The following ANO1 variants were observed in gnomAD, a reference collection of about 807,000 sequenced individuals.
The protein encoded by ANO1 is anoctamin-1.
A neutral mutation model predicts 124.0 loss-of-function variants in ANO1; 59 were observed. The observed-to-expected ratio is 0.48, with a 90% confidence interval of 0.39 to 0.59. The LOEUF (loss-of-function observed/expected upper bound fraction) is 0.59. ANO1 is among the 20% of genes least tolerant of loss of function. The probability of loss-of-function intolerance (pLI) is 0.00; values close to 1 mark genes in which losing one functional copy is unlikely to be tolerated. For missense variants in ANO1, 1,059 were observed against 1,328.0 expected (o/e 0.80, Z 3.15); for synonymous variants, 529 against 532.0 (o/e 0.99, Z 0.08).
Position 70,163,314 on chromosome 11 carries a change from A to G in ANO1, c.1924A>G (p.Ile642Val), listed in dbSNP as rs1290446602. The G allele has an allele frequency of 6.2e-7, 1 of 1,613,876 alleles. No individual in the cohort carries two copies. The highest frequency in any genetic ancestry group is 8.5e-7 in the Non-Finnish European group (1 of 1,179,880). The change falls in exon 19 of 26, where the codon ATT (isoleucine) becomes GTT (valine). Residue 642 changes from isoleucine (I) to valine (V), a missense_variant. Ile to Val is a conservative substitution (Grantham distance 29). Transcript: ENST00000355303. ...TGGACGCCCGGGCGACTACGTGTACATTTTCCGTTCCTTCCGAATGGAAGA... is the reference window on the plus strand; with the variant it reads ...TGGACGCCCGGGCGACTACGTGTACGTTTTCCGTTCCTTCCGAATGGAAGA... Reference protein sequence around the residue: ...FVGRPGDYVYIFRSFRMEECA... With the variant: ...FVGRPGDYVYVFRSFRMEECA...
chr11:70,146,255 T>C (rs1202943489), intron 11 of ANO1, among the ~76,000 whole-genome samples: 1 of 152,214 alleles, frequency 6.6e-6, no homozygotes, highest in Non-Finnish European at 1.5e-5. Context: ...GGCCTCTGAA[T>C]CTCAGTTTTG....
chr11:70,042,992 G>C (rs1242895489), intron 1 of ANO1, among the ~76,000 whole-genome samples: 1 of 152,040 alleles, frequency 6.6e-6, no homozygotes, highest in Non-Finnish European at 1.5e-5. Flanking sequence ...AGAAGTGAGA[G>C]AATATGACAC....
chr11:70,134,085 G>T (rs559767204), intron 11 of ANO1, among the ~76,000 whole-genome samples: 42 of 152,312 alleles, frequency 2.8e-4, no homozygotes, highest in African/African-American at 1.0e-3. Flanking sequence ...TTATTGGGCA[G>T]CTCCGTGTCC....
intron 1 of ANO1, among the ~76,000 whole-genome samples, chr11:70,057,433 T>TC (rs1555007043): frequency 1.5e-5 from 2 of 130,114 alleles, no homozygotes; most frequent in Non-Finnish European, 3.3e-5. Flanking sequence ...GAACTCCAAT[T>TC]TTGTGTGTGT....
At position 70,096,478 on chromosome 11, in the gene ANO1, C is replaced by A. The variant is rs1458278943; in HGVS notation, c.442-6588C>A. On this transcript the variant is annotated intron_variant, in intron 2 of 25. Coordinates refer to ENST00000355303, the MANE Select transcript of ANO1 (RefSeq NM_018043.7). ...GATCAGCAGTGACATGACATTCTCA[C>A]TGGGAGCCCAAACCCTGTTATGAAC... 3.3e-5 allele frequency among the ~76,000 whole-genome samples: 5 copies of A among 152,340 alleles called. No homozygotes were observed. The East Asian group carries it at 9.6e-4, about 29-fold the overall frequency.
intron 11 of ANO1, among the ~76,000 whole-genome samples, chr11:70,134,599 CCTA>C (rs537040465): frequency 6.2e-4 from 95 of 152,318 alleles, no homozygotes; most frequent in African/African-American, 2.2e-3. Context: ...CCAAAGAAAA[CCTA>C]TACGAGAGTG....
intron 1 of ANO1, among the ~76,000 whole-genome samples, chr11:70,066,888 C>A (rs1555008665): frequency 6.6e-6 from 1 of 152,132 alleles, no homozygotes; most frequent in African/African-American, 2.4e-5. Flanking sequence ...TGCTGCTAGT[C>A]CAGCCAAGGA....
At chr11:70,178,443 T>G (rs935995360) in intron 22 of ANO1, among the ~76,000 whole-genome samples, 1 of 152,166 alleles carries the variant, frequency 6.6e-6, no homozygotes, top group Non-Finnish European at 1.5e-5. Context: ...GGAGCTACAA[T>G]AAACTCCTCA....
chr11:70,108,182 A>G, intron 5 of ANO1, 171 bp from the exon 6 acceptor site: 1 of 559,476 alleles, frequency 1.8e-6, no homozygotes. Flanking sequence ...GAGAATCCGG[A>G]GCTGGGTCAA....
At chr11:70,067,969 T>C (rs1857773750) in intron 1 of ANO1, among the ~76,000 whole-genome samples, 1 of 152,058 alleles carries the variant, frequency 6.6e-6, no homozygotes, top group African/African-American at 2.4e-5. Context: ...GTCTGTGCCC[T>C]GGGCTCACAG....
upstream of ANO1, among the ~76,000 whole-genome samples, chr11:70,076,000 G>A (rs2044051875): frequency 6.6e-6 from 1 of 152,226 alleles, no homozygotes; most frequent in Non-Finnish European, 1.5e-5. Context: ...GCCACGAGAG[G>A]CCTGGAGGCA....
At chr11:70,052,437 C>T (rs1043322800) in intron 1 of ANO1, among the ~76,000 whole-genome samples, 5 of 150,836 alleles carry the variant, frequency 3.3e-5, no homozygotes, top group South Asian at 2.1e-4. Flanking sequence ...CTTACACAGA[C>T]ACACACACAT....
At chr11:70,141,166 G>A (rs998289479) in intron 11 of ANO1, among the ~76,000 whole-genome samples, 4 of 152,264 alleles carry the variant, frequency 2.6e-5, no homozygotes, top group East Asian at 1.9e-4. Flanking sequence ...GGAATGTACC[G>A]TAAGCCAGTA....
In ANO1 at chr11:70,139,444, C is replaced by T. The variant is rs567300330; in HGVS notation, c.1258+7365C>T. Among the ~76,000 whole-genome samples the T allele has an allele frequency of 2.6e-5, 4 of 152,352 alleles. No homozygotes were observed. The South Asian group carries it at 8.3e-4, about 32-fold the overall frequency. Reference sequence around the variant, plus strand: ...GTTCAAGCGATTCTCCTGCCTCAGCCTCCCGAGTAGCTGGGATTATAGCCG... The same window carrying T: ...GTTCAAGCGATTCTCCTGCCTCAGCTTCCCGAGTAGCTGGGATTATAGCCG... On this transcript the variant is annotated intron_variant, in intron 11 of 25. Coordinates refer to ENST00000355303, the MANE Select transcript of ANO1 (RefSeq NM_018043.7).
chr11:69,978,236 G>T, the ANO1 span, among the ~76,000 whole-genome samples: 1 of 152,192 alleles, frequency 6.6e-6, no homozygotes, highest in African/African-American at 2.4e-5. Context: ...TGCCACCTCG[G>T]GTCCGACGAA....
rs1201662651 is a variant in ANO1 at position 70,105,622 on chromosome 11, C to A, written c.693-112C>A. On this transcript the variant is annotated intron_variant, in intron 4 of 25. Coordinates refer to ENST00000355303, the MANE Select transcript of ANO1 (RefSeq NM_018043.7). ...ACCTGGCGTGCGGACAGAGTTCTGTCCATTTCACGGTCACGGCTAATGGGG... is the reference window on the plus strand; with the variant it reads ...ACCTGGCGTGCGGACAGAGTTCTGTACATTTCACGGTCACGGCTAATGGGG... 3 of 1,001,382 alleles carry A rather than the reference C, an allele frequency of 3.0e-6. No individual in the cohort carries two copies. The African/African-American group carries it at 4.8e-5, about 16-fold the overall frequency. The allele number at this position is 1,001,382 out of a possible 1,614,324, so 62.0% of individuals were successfully genotyped here. A position where few individuals can be genotyped will look rare whatever the true frequency, so the allele number is the denominator to read the frequency against.
At chr11:70,010,168 C>CGCGCGT (rs1555000813) in intron 1 of ANO1, among the ~76,000 whole-genome samples, 1 of 70,312 alleles carries the variant, frequency 1.4e-5, no homozygotes, top group African/African-American at 5.4e-5. Flanking sequence ...TGTGTGTGCG[C>CGCGCGT]GTGTGTGTGT....
intron 1 of ANO1, among the ~76,000 whole-genome samples, chr11:70,046,409 G>A (rs1555005651): frequency 6.6e-6 from 1 of 152,152 alleles, no homozygotes; most frequent in Non-Finnish European, 1.5e-5. Flanking sequence ...CAGTGACAGT[G>A]GACTTGGGAG....
At chr11:70,125,201 G>A (rs1410732836) in intron 9 of ANO1, among the ~76,000 whole-genome samples, 2 of 152,216 alleles carry the variant, frequency 1.3e-5, no homozygotes. Flanking sequence ...AAGTTAGCTG[G>A]CAGTGATGGT....
Sources: gnomAD v4.1 joint callset for allele counts (sites outside exome capture counted in the v4.1 genomes callset) on GRCh38, gnomAD v4.1.1 for gene constraint, MANE v1.5 for transcripts, NCBI Gene and HGNC (gene_info 2026-07-23, HGNC 2026-07-21) for gene names.